FBLN7: variants seen among roughly 807,000 people sequenced by gnomAD.
FBLN7 encodes the protein fibulin-7.
Under a neutral mutation model 44.0 loss-of-function variants are expected in FBLN7, and 31 were observed. The ratio of observed to expected loss-of-function variants is 0.70; its 90% CI spans 0.53 to 0.95. The LOEUF is 0.95. FBLN7 is among the 40% of genes least tolerant of loss of function. FBLN7 has a pLI of 0.00. For synonymous variants in FBLN7, 262 were observed against 253.4 expected, an observed-to-expected ratio of 1.03 and a Z score of -0.32; for missense variants, 573 against 618.5, an observed-to-expected ratio of 0.93 and a Z score of 0.78.
At chr2:112,220,806 A>T in the FBLN7 span, among the ~76,000 whole-genome samples, 3 of 152,196 alleles carry the variant, frequency 2.0e-5, no homozygotes, top group Admixed American at 6.5e-5. Flanking sequence ...GAGCAAAAAG[A>T]GCGAAACTCC....
chr2:112,157,249 A>G (rs1220857709), intron 1 of FBLN7, among the ~76,000 whole-genome samples: 1 of 152,076 alleles, frequency 6.6e-6, no homozygotes, highest in East Asian at 1.9e-4. Context: ...GGGCACCTGT[A>G]ATCCCAGCTA....
At chr2:112,227,585 C>T in the FBLN7 span, among the ~76,000 whole-genome samples, 1 of 152,044 alleles carries the variant, frequency 6.6e-6, no homozygotes, top group East Asian at 2.0e-4. Flanking sequence ...GGAATACATG[C>T]ACACACAAAA....
chr2:112,147,559 C>T lies in FBLN7; in HGVS notation c.75+8829C>T, dbSNP rs542027565. Among the ~76,000 whole-genome samples, 38 of 152,294 alleles carry T rather than the reference C, an allele frequency of 2.5e-4. No individual in the cohort carries two copies. In the South Asian group the frequency reaches 5.0e-3, roughly 20 times the overall value. ...CCCAGTCAGTGTTCTGCCAGGGCTG[C>T]TTGTCCCTGGAGCCCAGACTCCCCC... is the stretch of plus-strand genomic sequence containing the variant. On this transcript the variant is annotated intron_variant, in intron 1 of 7. Transcript: ENST00000331203.
chr2:112,172,668 C>A (rs1294456645), intron 3 of FBLN7, among the ~76,000 whole-genome samples: 4 of 119,070 alleles, frequency 3.4e-5, no homozygotes, highest in African/African-American at 1.3e-4. Context: ...GAGTCTCACT[C>A]TGTTGCCCAG....
the FBLN7 span, chr2:112,234,243 AAAC>A: frequency 1.3e-6 from 2 of 1,550,160 alleles, no homozygotes; most frequent in East Asian, 4.5e-5. Flanking sequence ...CATCCTTTAA[AAAC>A]AAAAACAAAA....
chr2:112,201,119 C>G, the FBLN7 span, among the ~76,000 whole-genome samples: 1 of 152,140 alleles, frequency 6.6e-6, no homozygotes, highest in African/African-American at 2.4e-5. Context: ...GCGAGATGTA[C>G]CCTTGCCTGG....
At chr2:112,234,886 G>C in the FBLN7 span, among the ~76,000 whole-genome samples, 1 of 152,122 alleles carries the variant, frequency 6.6e-6, no homozygotes, top group African/African-American at 2.4e-5. Context: ...TAGAGTGGTA[G>C]AGACAAAGTT....
intron 1 of FBLN7, among the ~76,000 whole-genome samples, chr2:112,140,776 C>T (rs577875108): frequency 3.3e-4 from 50 of 152,296 alleles, no homozygotes; most frequent in Admixed American, 9.8e-4. Flanking sequence ...TGGCATTTCC[C>T]AGGCAGAGGT....
At chr2:112,221,093 T>C in the FBLN7 span, among the ~76,000 whole-genome samples, 1 of 152,186 alleles carries the variant, frequency 6.6e-6, no homozygotes, top group African/African-American at 2.4e-5. Context: ...GGGACGGAAA[T>C]GAGTCATAGA....
chr2:112,187,907 G>A lies in FBLN7; in HGVS notation c.*401G>A, dbSNP rs1462944215. On this transcript the variant is annotated 3_prime_UTR_variant, in exon 8 of 8. Transcript: ENST00000331203. The surrounding 1 kb of genome is among the most constrained non-coding windows in gnomAD (Gnocchi z 5.1). ...GCCTTTTTGTAGCCAGGCTTGCTAT[G>A]AATGAAACGGTTCTAGTCGTGCGGG... The A allele has an allele frequency of 3.5e-6, 1 of 285,314 alleles. No homozygotes were observed. The highest frequency in any genetic ancestry group is 2.2e-5 in the African/African-American group (1 of 45,804). 17.7% of individuals were successfully genotyped at this position (285,314 alleles called of 1,614,324 possible). A position where few individuals can be genotyped will look rare whatever the true frequency, so the allele number is the denominator to read the frequency against.
the FBLN7 span, among the ~76,000 whole-genome samples, chr2:112,198,859 T>C: frequency 6.6e-6 from 1 of 152,162 alleles, no homozygotes; most frequent in Non-Finnish European, 1.5e-5. Context: ...TAGTTTATTA[T>C]AGCAACCTGA....
At chr2:112,231,762 C>G in the FBLN7 span, 3 of 886,278 alleles carry the variant, frequency 3.4e-6, no homozygotes, top group Admixed American at 2.8e-5. Context: ...CCTTAATTAT[C>G]TTCAAATTCT....
chr2:112,228,276 C>A, the FBLN7 span, among the ~76,000 whole-genome samples: 1 of 152,012 alleles, frequency 6.6e-6, no homozygotes. Flanking sequence ...CCAAGGTGGG[C>A]AGATCACCTG....
At chr2:112,210,523 GCA>G in the FBLN7 span, among the ~76,000 whole-genome samples, 2 of 151,782 alleles carry the variant, frequency 1.3e-5, no homozygotes, top group Admixed American at 6.6e-5. Context: ...AGGCATAGTG[GCA>G]CATGCCTATA....
At chr2:112,157,382 T>A (rs563571895) in intron 1 of FBLN7, among the ~76,000 whole-genome samples, 2 of 151,724 alleles carry the variant, frequency 1.3e-5, no homozygotes, top group South Asian at 4.2e-4. Flanking sequence ...TAAAAAAAAA[T>A]TAAATTAAAT....
intron 2 of FBLN7, among the ~76,000 whole-genome samples, chr2:112,160,666 ACACGCACACGCAGACG>A (rs1200636885): frequency 3.0e-4 from 42 of 141,330 alleles, no homozygotes; most frequent in African/African-American, 1.1e-3. Context: ...ACGCGCACGC[ACACGCACACGCAGACG>A]CACGCACACG....
intron 2 of FBLN7, among the ~76,000 whole-genome samples, chr2:112,160,738 G>GCACACGCC (rs1681759013): frequency 7.4e-6 from 1 of 135,258 alleles, no homozygotes; most frequent in African/African-American, 2.9e-5. Context: ...GCACGCACAC[G>GCACACGCC]CACACACGCG....
At chr2:112,190,917 C>T (rs576007837), downstream of FBLN7, among the ~76,000 whole-genome samples, 9 of 152,278 alleles carry the variant, frequency 5.9e-5, no homozygotes, top group African/African-American at 2.2e-4. Flanking sequence ...TAAAACACTA[C>T]ATGAGTTCAT....
intron 1 of FBLN7, among the ~76,000 whole-genome samples, chr2:112,156,431 T>C (rs1681430781): frequency 6.6e-6 from 1 of 152,216 alleles, no homozygotes. Context: ...GTAGCTGAAC[T>C]ATTCTTTGTT....
Sources: gnomAD v4.1 joint callset for allele counts (sites outside exome capture counted in the v4.1 genomes callset) on GRCh38, gnomAD v4.1.1 for gene constraint, Gnocchi (gnomAD v3.1) non-coding constraint, MANE v1.5 for transcripts, NCBI Gene and HGNC (gene_info 2026-07-23, HGNC 2026-07-21) for gene names.